Variants in RIMS1 observed in about 807,000 individuals in gnomAD.
The protein encoded by RIMS1 is regulating synaptic membrane exocytosis protein 1.
RIMS1 carries 83 observed loss-of-function variants against 214.1 expected under a neutral mutation model. The observed-to-expected ratio is 0.39, with a 90% CI of 0.32 to 0.47. RIMS1 has a LOEUF of 0.47. Ranked by LOEUF, RIMS1 falls within the 20% of genes least tolerant of loss-of-function variation. RIMS1 has a pLI of 0.99. For synonymous variants in RIMS1, 793 were observed against 786.8 expected (o/e 1.01, Z -0.13); for missense variants, 2,050 against 2,161.8 (o/e 0.95, Z 1.03).
intron 16 of RIMS1, among the ~76,000 whole-genome samples, chr6:72,254,483 A>G (rs990188844): frequency 2.0e-5 from 3 of 152,216 alleles, no homozygotes; most frequent in Non-Finnish European, 4.4e-5. Flanking sequence ...ATTAGATTAT[A>G]CCTGGTAGAA....
chr6:72,119,396 A>G (rs1784344912), intron 4 of RIMS1, among the ~76,000 whole-genome samples: 1 of 151,850 alleles, frequency 6.6e-6, no homozygotes, highest in Non-Finnish European at 1.5e-5. Context: ...ACCCAAAGCA[A>G]TCTACAGATT....
chr6:72,393,569 C>CA (rs1168767955), intron 31 of RIMS1, among the ~76,000 whole-genome samples: 3 of 151,360 alleles, frequency 2.0e-5, no homozygotes, highest in African/African-American at 4.9e-5. Context: ...ACTAAAAATA[C>CA]AAAAAAAATT....
At chr6:72,308,991 T>A (rs1198283562) in intron 27 of RIMS1, among the ~76,000 whole-genome samples, 1 of 152,162 alleles carries the variant, frequency 6.6e-6, no homozygotes, top group East Asian at 1.9e-4. Context: ...ATGCAGTTAT[T>A]TGAAAGTTTC....
At chr6:72,166,715 T>TTA (rs374888910) in intron 4 of RIMS1, among the ~76,000 whole-genome samples, 235 of 149,526 alleles carry the variant, frequency 1.6e-3, no homozygotes, top group African/African-American at 5.0e-3. Flanking sequence ...GTCTCTATTT[T>TTA]AAAAAAAAAA....
rs1363771273 is a variant in RIMS1 at position 72,004,948 on chromosome 6, G to A, written c.245+35885G>A. 5.9e-5 allele frequency among the ~76,000 whole-genome samples: 9 copies of A among 152,106 alleles called. No homozygotes were observed. The South Asian group carries it at 1.2e-3, about 21-fold the overall frequency. ...TTTTAGACATGAAGTCCTTGCCCAT[G>A]CCTATGTCCTGAATGGTAATGCCTA... On this transcript the variant is annotated intron_variant, in intron 2 of 33. Coordinates refer to ENST00000521978, the MANE Select transcript of RIMS1 (RefSeq NM_014989.7).
intron 1 of RIMS1, among the ~76,000 whole-genome samples, chr6:71,935,768 T>C (rs186972950): frequency 5.3e-5 from 8 of 152,308 alleles, no homozygotes; most frequent in Non-Finnish European, 8.8e-5. Flanking sequence ...AAGCCATGAC[T>C]AAAAGTTTAA....
chr6:72,233,963 A>C (rs1403953827), intron 7 of RIMS1, 123 bp downstream of exon 7: 8 of 597,624 alleles, frequency 1.3e-5, no homozygotes, highest in Admixed American at 3.1e-5. Flanking sequence ...GATTTCATTT[A>C]AGATAGTACA....
chr6:72,081,004 A>T (rs1833244428), intron 2 of RIMS1, among the ~76,000 whole-genome samples: 1 of 152,244 alleles, frequency 6.6e-6, no homozygotes, highest in South Asian at 2.1e-4. Context: ...AAACTTAAAG[A>T]GTCAGAGGAC....
At chr6:72,323,427 A>T (rs1435811544) in intron 28 of RIMS1, among the ~76,000 whole-genome samples, 1 of 151,970 alleles carries the variant, frequency 6.6e-6, no homozygotes, top group Non-Finnish European at 1.5e-5. Flanking sequence ...AATCCATTTT[A>T]AAAAATTAAA....
At chr6:72,037,644 C>T (rs1467956746) in intron 2 of RIMS1, among the ~76,000 whole-genome samples, 1 of 151,994 alleles carries the variant, frequency 6.6e-6, no homozygotes, top group Non-Finnish European at 1.5e-5. Context: ...AGATAGTAAA[C>T]ATATCCATCA....
intron 29 of RIMS1, among the ~76,000 whole-genome samples, chr6:72,384,885 G>C (rs187959962): frequency 3.3e-3 from 503 of 152,192 alleles, no homozygotes; most frequent in Non-Finnish European, 5.4e-3. Flanking sequence ...AGTATTTATA[G>C]AATGAATTAA....
At chr6:72,073,590 T>G (rs1160241754) in intron 2 of RIMS1, among the ~76,000 whole-genome samples, 1 of 152,252 alleles carries the variant, frequency 6.6e-6, no homozygotes, top group Non-Finnish European at 1.5e-5. Flanking sequence ...GTCTGATTGC[T>G]TCTCACTATT....
chr6:72,180,120 T>A (rs550928896), intron 5 of RIMS1, among the ~76,000 whole-genome samples: 18 of 152,236 alleles, frequency 1.2e-4, no homozygotes, highest in Non-Finnish European at 2.5e-4. Context: ...TTCTTTCATA[T>A]CATGCACAGA....
Position 72,274,394 on chromosome 6 carries a change from C to T in RIMS1, c.3444C>T (p.Pro1148=). 1 of 1,613,248 alleles carries T rather than the reference C, an allele frequency of 6.2e-7. No homozygotes were observed. The highest frequency in any genetic ancestry group is 1.3e-5 in the African/African-American group (1 of 75,020). The part of the protein sequence containing the change: ...PSLDRRRPPS[P]RIQIQHASPE... ...TAGATAGGAGACGACCTCCTAGTCC[C>T]AGGATTCAAATCCAGCATGCGTCTC... Residue 1148 remains proline (P), a synonymous_variant, in exon 23 of 34, where the codon CCC becomes CCT. Transcript: ENST00000521978.
At chr6:72,066,964 C>T (rs1044166278) in intron 2 of RIMS1, among the ~76,000 whole-genome samples, 1 of 152,106 alleles carries the variant, frequency 6.6e-6, no homozygotes, top group African/African-American at 2.4e-5. Context: ...CAAAATAAGA[C>T]CTGAATCTGG....
At chr6:72,179,548 T>G (rs905969833) in intron 4 of RIMS1, 27 bp from the exon 5 acceptor site, 3 of 1,551,310 alleles carry the variant, frequency 1.9e-6, no homozygotes, top group African/African-American at 2.7e-5. Flanking sequence ...GCATAAAAAT[T>G]TATATTGTTC....
At chr6:72,026,484 C>G (rs971344229) in intron 2 of RIMS1, among the ~76,000 whole-genome samples, 2 of 115,414 alleles carry the variant, frequency 1.7e-5, no homozygotes, top group Non-Finnish European at 3.3e-5. Context: ...TTTTTTCAAA[C>G]TATTCTTTTT....
chr6:72,144,739 C>T (rs2042508579), intron 4 of RIMS1, among the ~76,000 whole-genome samples: 1 of 152,116 alleles, frequency 6.6e-6, no homozygotes, highest in Non-Finnish European at 1.5e-5. Flanking sequence ...TTACCCATCC[C>T]TTTTATTTCT....
rs766976815 is a variant in RIMS1 at position 72,154,593 on chromosome 6, G to A, written c.472-24982G>A. Among the ~76,000 whole-genome samples the A allele has an allele frequency of 2.1e-5, 3 of 140,894 alleles. 1 individual carries two copies. The highest frequency in any genetic ancestry group is 4.8e-5 in the Non-Finnish European group (3 of 62,010). 92.4% of individuals were successfully genotyped at this position (140,894 alleles called of 152,430 possible). On this transcript the variant is annotated intron_variant, in intron 4 of 33. Transcript: ENST00000521978. Reference sequence around the variant, plus strand: ...TTTCTATTATCATGCCCTTGCGCAAGTATCAACTTTGACAACTACCCACAG... The same window carrying A: ...TTTCTATTATCATGCCCTTGCGCAAATATCAACTTTGACAACTACCCACAG...
Sources: allele counts gnomAD v4.1 joint callset (sites outside exome capture counted in the v4.1 genomes callset), GRCh38; gene constraint gnomAD v4.1.1; transcripts MANE v1.5; gene names NCBI Gene and HGNC (gene_info 2026-07-23, HGNC 2026-07-21).